The following GLDC variants were observed in gnomAD, a reference collection of about 807,000 sequenced individuals.
GLDC encodes glycine dehydrogenase (decarboxylating), mitochondrial.
In GLDC, 104 loss-of-function variants were observed where a neutral mutation model predicts 121.3. The ratio of observed to expected loss-of-function variants is 0.86; its 90% confidence interval spans 0.73 to 1.01. The LOEUF (loss-of-function observed/expected upper bound fraction) is 1.01. GLDC is among the 50% of genes least tolerant of loss of function. GLDC has a pLI of 0.00. For synonymous variants in GLDC, 546 were observed against 480.6 expected (o/e 1.14, Z -1.78); for missense variants, 1,429 against 1,306.6 (o/e 1.09, Z -1.44).
chr9:6,571,307 C>A (rs1268944730), intron 15 of GLDC, among the ~76,000 whole-genome samples: 11 of 152,146 alleles, frequency 7.2e-5, no homozygotes, highest in African/African-American at 2.2e-4. Context: ...GGCACCCAAA[C>A]CCAGGTGTAC....
chr9:6,548,637 A>G (rs1817445933), intron 21 of GLDC, among the ~76,000 whole-genome samples: 1 of 152,162 alleles, frequency 6.6e-6, no homozygotes, highest in Non-Finnish European at 1.5e-5. Context: ...TGGACCAGAG[A>G]AACCAAGATC....
intron 3 of GLDC, among the ~76,000 whole-genome samples, chr9:6,619,470 G>A (rs955702309): frequency 6.6e-6 from 1 of 152,168 alleles, no homozygotes; most frequent in African/African-American, 2.4e-5. Flanking sequence ...GCTCATGCCT[G>A]TAATCCCAGC....
intron 2 of GLDC, among the ~76,000 whole-genome samples, chr9:6,628,581 AG>A (rs1587978647): frequency 6.6e-6 from 1 of 152,208 alleles, no homozygotes; most frequent in Admixed American, 6.5e-5. Context: ...GTTTGAGCCC[AG>A]GAGTTCGAGC....
chr9:6,606,762 T>A (rs565059429), intron 4 of GLDC, 93 bp from the exon 5 acceptor site: 23 of 824,732 alleles, frequency 2.8e-5, no homozygotes, highest in Non-Finnish European at 4.6e-5. Flanking sequence ...CGAGGGTAAG[T>A]CTAAGCACAG....
At chr9:6,560,229 C>T (rs1404387637) in intron 16 of GLDC, among the ~76,000 whole-genome samples, 4 of 152,132 alleles carry the variant, frequency 2.6e-5, no homozygotes, top group Admixed American at 2.6e-4. Flanking sequence ...TATTTTTTAT[C>T]CCACAGAGAG....
intron 16 of GLDC, among the ~76,000 whole-genome samples, chr9:6,560,789 C>G (rs1019652597): frequency 6.6e-6 from 1 of 152,154 alleles, no homozygotes; most frequent in African/African-American, 2.4e-5. Flanking sequence ...ATCCTCGGAA[C>G]CTGTGGGTGT....
chr9:6,593,898 G>T (rs570254338), intron 9 of GLDC, among the ~76,000 whole-genome samples: 1 of 151,954 alleles, frequency 6.6e-6, no homozygotes, highest in South Asian at 2.1e-4. Flanking sequence ...TCACCATGTT[G>T]GCCAGGCTGG....
Position 6,620,399 on chromosome 9 carries a change from G to GT in GLDC, c.335-81dup. 4.1e-6 allele frequency: 5 copies of GT among 1,216,672 alleles called. No homozygotes were observed. In the South Asian group the frequency reaches 6.0e-5, roughly 15 times the overall value. 75.4% of individuals were successfully genotyped at this position (1,216,672 alleles called of 1,614,324 possible). On this transcript the variant is annotated intron_variant, in intron 2 of 24. Coordinates refer to ENST00000321612, the MANE Select transcript of GLDC (RefSeq NM_000170.3). ...AATTACAGTTTAAATCCCTCATTTT[G>GT]TTTGAGTATTTATGACAGAATAACT...
Position 6,564,235 on chromosome 9 carries a change from G to A in GLDC, c.1926+1119C>T, listed in dbSNP as rs574570232. 2.2e-4 allele frequency among the ~76,000 whole-genome samples: 33 copies of A among 148,560 alleles called. 1 individual carries two copies. The East Asian group carries it at 4.9e-3, about 22-fold the overall frequency. On this transcript the variant is annotated intron_variant, in intron 16 of 24. Transcript: ENST00000321612. ...TGCACTCCAGCCTGGGGAACAGGGCGAGACTCCATCTCAAAAAAAAAAAAA... is the reference window on the plus strand; with the variant it reads ...TGCACTCCAGCCTGGGGAACAGGGCAAGACTCCATCTCAAAAAAAAAAAAA...
chr9:6,594,710 A>AGCAAGCAAGCAAGCAAGCAT (rs1175683347), intron 9 of GLDC, among the ~76,000 whole-genome samples: 4 of 152,030 alleles, frequency 2.6e-5, no homozygotes, highest in African/African-American at 9.7e-5. Flanking sequence ...GAAGCAAGCA[A>AGCAAGCAAGCAAGCAAGCAT]GCAAGCAAGC....
intron 12 of GLDC, 90 bp downstream of exon 12, chr9:6,589,105 A>T: frequency 1.2e-6 from 1 of 838,090 alleles, no homozygotes; most frequent in Non-Finnish European, 2.1e-6. Context: ...TAACCAGGCC[A>T]CAGCAGGCGA....
At chr9:6,547,631 G>A (rs1416527680) in intron 21 of GLDC, among the ~76,000 whole-genome samples, 6 of 151,844 alleles carry the variant, frequency 4.0e-5, no homozygotes, top group African/African-American at 1.2e-4. Context: ...TCTCTCCTAA[G>A]GAAATTATCA....
At chr9:6,542,025 A>C (rs1433295648) in intron 21 of GLDC, 1 of 151,932 alleles carries the variant, frequency 6.6e-6, no homozygotes, top group Non-Finnish European at 1.5e-5. Flanking sequence ...GCGGATCACG[A>C]GGTCCAGAGA....
chr9:6,630,585 T>C (rs980471319), intron 2 of GLDC, among the ~76,000 whole-genome samples: 2 of 152,186 alleles, frequency 1.3e-5, no homozygotes, highest in Non-Finnish European at 2.9e-5. Context: ...AAGGCCTTTC[T>C]CTGCTAGAGG....
chr9:6,598,952 G>A (rs188665164), intron 8 of GLDC, among the ~76,000 whole-genome samples: 161 of 152,156 alleles, frequency 1.1e-3, no homozygotes, highest in African/African-American at 3.7e-3. Flanking sequence ...AGGCCAAGGC[G>A]GGCGGATCAC....
At chr9:6,611,560 A>AC in intron 3 of GLDC, among the ~76,000 whole-genome samples, 1 of 152,172 alleles carries the variant, frequency 6.6e-6, no homozygotes, top group Admixed American at 6.5e-5. Flanking sequence ...CGTCTCAAAA[A>AC]AAAAAAAAAA....
chr9:6,593,249 G>A (rs186270762), intron 9 of GLDC, among the ~76,000 whole-genome samples: 16 of 148,918 alleles, frequency 1.1e-4, no homozygotes, highest in Non-Finnish European at 5.9e-5. Context: ...CTCAAGAAAT[G>A]GGGGAGCAGG....
chr9:6,584,644 G>C (rs1342203735), intron 15 of GLDC, among the ~76,000 whole-genome samples: 2 of 152,178 alleles, frequency 1.3e-5, no homozygotes, highest in Admixed American at 6.5e-5. Context: ...CATGGCCCTT[G>C]TACTTTCTCA....
At chr9:6,583,218 T>C (rs1016278748) in intron 15 of GLDC, among the ~76,000 whole-genome samples, 2 of 151,988 alleles carry the variant, frequency 1.3e-5, no homozygotes, top group African/African-American at 2.4e-5. Flanking sequence ...TCTGAATATA[T>C]ACCAAAATAA....
Sources: gnomAD v4.1 joint callset for allele counts (sites outside exome capture counted in the v4.1 genomes callset) on GRCh38, gnomAD v4.1.1 for gene constraint, MANE v1.5 for transcripts, NCBI Gene and HGNC (gene_info 2026-07-23, HGNC 2026-07-21) for gene names.